The following GALNTL6 variants were observed in gnomAD, a reference collection of about 807,000 sequenced individuals.
The protein encoded by GALNTL6 is polypeptide N-acetylgalactosaminyltransferase like 6.
Under a neutral mutation model 73.7 loss-of-function variants are expected in GALNTL6, and 46 were observed. The observed-to-expected ratio is 0.62, with a 90% CI of 0.49 to 0.80. The LOEUF (loss-of-function observed/expected upper bound fraction) is 0.80. Ranked by LOEUF, GALNTL6 falls within the 30% of genes least tolerant of loss-of-function variation. The probability of loss-of-function intolerance (pLI) is 0.00; values close to 1 mark genes in which losing one functional copy is unlikely to be tolerated. For missense variants in GALNTL6, 604 were observed against 755.0 expected, an observed-to-expected ratio of 0.80 and a Z score of 2.34; for synonymous variants, 259 against 263.7, an observed-to-expected ratio of 0.98 and a Z score of 0.17.
intron 2 of GALNTL6, among the ~76,000 whole-genome samples, chr4:172,110,561 G>A (rs1732823787): frequency 6.6e-6 from 1 of 152,154 alleles, no homozygotes; most frequent in African/African-American, 2.4e-5. Context: ...AATCTTCCTA[G>A]AGAGTTGTCA....
chr4:172,922,393 A>C (rs1747842055), intron 8 of GALNTL6, among the ~76,000 whole-genome samples: 1 of 152,236 alleles, frequency 6.6e-6, no homozygotes, highest in African/African-American at 2.4e-5. Flanking sequence ...ATAGAATTTA[A>C]TACCTGCCAC....
At chr4:172,736,806 A>G (rs902788373) in intron 5 of GALNTL6, among the ~76,000 whole-genome samples, 1 of 152,198 alleles carries the variant, frequency 6.6e-6, no homozygotes, top group Non-Finnish European at 1.5e-5. Flanking sequence ...TGGTCCCTCC[A>G]TTCGGGGTCC....
chr4:172,445,479 TAGAC>T (rs1178853185), intron 5 of GALNTL6, among the ~76,000 whole-genome samples: 5 of 152,270 alleles, frequency 3.3e-5, no homozygotes, highest in East Asian at 1.9e-4. Flanking sequence ...GATAGGCAGA[TAGAC>T]AGACAGACAT....
At chr4:171,982,318 T>G (rs112015395) in intron 2 of GALNTL6, among the ~76,000 whole-genome samples, 1,690 of 152,184 alleles carry the variant, frequency 0.011, 20 homozygotes, top group South Asian at 0.037. Context: ...TTGTTTTTGA[T>G]ACGGAGTCTC....
In GALNTL6 at chr4:172,348,387, T is replaced by C. The variant is rs1399939092; in HGVS notation, c.387-136T>C. The C allele has an allele frequency of 1.2e-5, 7 of 604,774 alleles. No homozygotes were observed. In the Admixed American group the frequency reaches 2.2e-4, roughly 19 times the overall value. 37.5% of individuals were successfully genotyped at this position (604,774 alleles called of 1,614,324 possible). On this transcript the variant is annotated intron_variant, in intron 4 of 12. Transcript: ENST00000506823. ...TGAAGGAGCAGGATAACAATCATGC[T>C]GTACAAACTCTGGTTGGAAAGTATT...
intron 2 of GALNTL6, among the ~76,000 whole-genome samples, chr4:172,159,794 G>A (rs1199201315): frequency 2.0e-5 from 3 of 152,134 alleles, no homozygotes; most frequent in African/African-American, 7.2e-5. Context: ...TACATGCGTT[G>A]AAATAAAATC....
At chr4:172,776,291 A>G (rs1739067538) in intron 5 of GALNTL6, among the ~76,000 whole-genome samples, 1 of 152,202 alleles carries the variant, frequency 6.6e-6, no homozygotes. Flanking sequence ...CTCCTGCCAT[A>G]TAGAGAGGAA....
chr4:172,144,991 T>C (rs890716552), intron 2 of GALNTL6, among the ~76,000 whole-genome samples: 2 of 152,142 alleles, frequency 1.3e-5, no homozygotes, highest in African/African-American at 2.4e-5. Flanking sequence ...AGGATCTTTC[T>C]CTGTCACCCA....
At chr4:172,806,574 T>G (rs1740973913) in intron 5 of GALNTL6, among the ~76,000 whole-genome samples, 1 of 152,156 alleles carries the variant, frequency 6.6e-6, no homozygotes, top group Non-Finnish European at 1.5e-5. Flanking sequence ...CTCCCTGTAA[T>G]GGAGCTATAG....
At chr4:172,045,429 C>T (rs1742188298) in intron 2 of GALNTL6, among the ~76,000 whole-genome samples, 1 of 151,868 alleles carries the variant, frequency 6.6e-6, no homozygotes, top group Non-Finnish European at 1.5e-5. Flanking sequence ...TCAGTTTTTG[C>T]TAATTTAATT....
intron 5 of GALNTL6, among the ~76,000 whole-genome samples, chr4:172,722,323 A>G (rs1049584003): frequency 3.3e-5 from 5 of 152,242 alleles, no homozygotes; most frequent in South Asian, 2.1e-4. Context: ...TATGACATGT[A>G]CATATGACAA....
intron 5 of GALNTL6, among the ~76,000 whole-genome samples, chr4:172,571,271 A>T (rs1736750602): frequency 6.6e-6 from 1 of 152,210 alleles, no homozygotes; most frequent in Non-Finnish European, 1.5e-5. Context: ...TTATTAGAAC[A>T]TTATTCGTGT....
At chr4:172,619,344 C>G (rs538316818) in intron 5 of GALNTL6, among the ~76,000 whole-genome samples, 12 of 152,214 alleles carry the variant, frequency 7.9e-5, no homozygotes, top group Non-Finnish European at 1.5e-4. Flanking sequence ...ACTAGAAAAC[C>G]TTTACTCTTC....
intron 5 of GALNTL6, among the ~76,000 whole-genome samples, chr4:172,630,502 C>A (rs1446010454): frequency 6.6e-6 from 1 of 152,032 alleles, no homozygotes; most frequent in Non-Finnish European, 1.5e-5. Flanking sequence ...AATCACATTG[C>A]CACAGAAACT....
chr4:172,731,816 G>GT (rs915857945), intron 5 of GALNTL6, among the ~76,000 whole-genome samples: 30 of 152,030 alleles, frequency 2.0e-4, no homozygotes, highest in African/African-American at 6.7e-4. Flanking sequence ...CAAAAACATG[G>GT]TTTTTTAAAT....
chr4:172,317,120 C>T (rs774641305), intron 4 of GALNTL6, among the ~76,000 whole-genome samples: 2 of 152,174 alleles, frequency 1.3e-5, no homozygotes, highest in Non-Finnish European at 2.9e-5. Context: ...CTTACAAGTA[C>T]TTACATGAAG....
intron 5 of GALNTL6, among the ~76,000 whole-genome samples, chr4:172,712,851 G>T (rs998617991): frequency 1.3e-5 from 2 of 152,184 alleles, no homozygotes; most frequent in Non-Finnish European, 2.9e-5. Context: ...GACATATAAA[G>T]TTGAGAACAT....
intron 9 of GALNTL6, among the ~76,000 whole-genome samples, chr4:172,949,780 G>A (rs975838917): frequency 4.0e-5 from 6 of 151,802 alleles, no homozygotes; most frequent in East Asian, 3.9e-4. Flanking sequence ...ATGGTAGCAC[G>A]TGCCTGTAGT....
At chr4:172,524,417 GTTTTTGTATTT>G (rs796872446) in intron 5 of GALNTL6, among the ~76,000 whole-genome samples, 6 of 151,678 alleles carry the variant, frequency 4.0e-5, no homozygotes, top group African/African-American at 1.4e-4. Flanking sequence ...CCCGGCTAAT[GTTTTTGTATTT>G]TTAGTAAAGA....
Sources: allele counts gnomAD v4.1 joint callset (sites outside exome capture counted in the v4.1 genomes callset), GRCh38; gene constraint gnomAD v4.1.1; transcripts MANE v1.5; gene names NCBI Gene and HGNC (gene_info 2026-07-23, HGNC 2026-07-21).